The following NCOA1 variants were observed in gnomAD, a reference collection of about 807,000 sequenced individuals.
NCOA1 encodes the protein nuclear receptor coactivator 1.
Under a neutral mutation model 150.9 loss-of-function variants are expected in NCOA1, and 35 were observed. That is an observed-to-expected ratio of 0.23 (90% CI 0.18 to 0.31). NCOA1 has a LOEUF of 0.31. NCOA1 is among the 10% of genes least tolerant of loss of function. The pLI, the probability that NCOA1 is intolerant of heterozygous loss-of-function variation, is 1.00. For missense variants in NCOA1, 1,491 were observed against 1,749.3 expected, an observed-to-expected ratio of 0.85 and a Z score of 2.63; for synonymous variants, 590 against 630.0, an observed-to-expected ratio of 0.94 and a Z score of 0.95.
At chr2:24,550,467 G>C (rs1308598911) in intron 1 of NCOA1, among the ~76,000 whole-genome samples, 3 of 152,214 alleles carry the variant, frequency 2.0e-5, no homozygotes, top group Admixed American at 6.5e-5. Flanking sequence ...GGTTGAGAGA[G>C]AGCTAGTGCT....
intron 2 of NCOA1, among the ~76,000 whole-genome samples, chr2:24,576,159 TTTTGTTTTTTG>T (rs755015628): frequency 4.4e-4 from 42 of 94,454 alleles, no homozygotes; most frequent in South Asian, 9.8e-4. Flanking sequence ...GTTTTTTTTT[TTTTGTTTTTTG>T]TTTTTTTTTT....
At chr2:24,620,334 T>TG (rs1669076020) in intron 3 of NCOA1, among the ~76,000 whole-genome samples, 1 of 152,248 alleles carries the variant, frequency 6.6e-6, no homozygotes, top group African/African-American at 2.4e-5. Flanking sequence ...CTGGGCGTGC[T>TG]GGCTCACGCC....
intron 8 of NCOA1, among the ~76,000 whole-genome samples, chr2:24,686,306 T>C (rs1420398638): frequency 1.3e-5 from 2 of 152,146 alleles, no homozygotes; most frequent in African/African-American, 2.4e-5. Context: ...CCTGACCCTG[T>C]TCTTCTTTTT....
chr2:24,519,097 A>G (rs149544629), intron 1 of NCOA1, among the ~76,000 whole-genome samples: 42 of 152,354 alleles, frequency 2.8e-4, no homozygotes, highest in African/African-American at 9.6e-4. Flanking sequence ...AGTAATCACA[A>G]TAGGGTGGTA....
At chr2:24,762,568 T>G in intron 21 of NCOA1, 119 bp from the exon 22 acceptor site, 1 of 844,736 alleles carries the variant, frequency 1.2e-6, no homozygotes, top group East Asian at 2.6e-5. Flanking sequence ...ATTGCTAAGC[T>G]TTTCATTTTT....
At chr2:24,612,878 T>C (rs893109939) in intron 3 of NCOA1, among the ~76,000 whole-genome samples, 3 of 152,174 alleles carry the variant, frequency 2.0e-5, no homozygotes, top group African/African-American at 7.2e-5. Flanking sequence ...TCTTTATCTG[T>C]CATATCTGAG....
chr2:24,751,374 G>A (rs949489887), intron 19 of NCOA1, among the ~76,000 whole-genome samples: 3 of 151,628 alleles, frequency 2.0e-5, no homozygotes, highest in African/African-American at 4.8e-5. Context: ...CCTGAGGTCA[G>A]GAGTTCGAGA....
intron 3 of NCOA1, among the ~76,000 whole-genome samples, chr2:24,623,542 G>C (rs1321387849): frequency 6.6e-6 from 1 of 152,182 alleles, no homozygotes; most frequent in African/African-American, 2.4e-5. Context: ...TATGTATCTA[G>C]GGCAAAAGTT....
chr2:24,741,654 G>T, intron 18 of NCOA1, 130 bp from the exon 19 acceptor site: 2 of 983,318 alleles, frequency 2.0e-6, no homozygotes, highest in South Asian at 2.3e-5. Context: ...TTCTGTTTTA[G>T]TTTCCCTTGT....
intron 1 of NCOA1, chr2:24,554,568 G>A (rs1024068980): frequency 6.6e-6 from 1 of 152,236 alleles, no homozygotes; most frequent in Non-Finnish European, 1.5e-5. Flanking sequence ...GCAGTTGGAT[G>A]CTGAGGTCAG....
At chr2:24,506,596 C>G (rs1329189361) in intron 1 of NCOA1, among the ~76,000 whole-genome samples, 1 of 152,082 alleles carries the variant, frequency 6.6e-6, no homozygotes, top group Non-Finnish European at 1.5e-5. Flanking sequence ...TGGCAGCCTA[C>G]TTAGACATCT....
intron 3 of NCOA1, among the ~76,000 whole-genome samples, chr2:24,620,578 C>T (rs914685490): frequency 6.6e-6 from 1 of 152,148 alleles, no homozygotes; most frequent in Non-Finnish European, 1.5e-5. Flanking sequence ...CATTGTACTC[C>T]AGCTTGGGCA....
chr2:24,564,567 C>A (rs1200503184), intron 2 of NCOA1, 137 bp downstream of exon 2: 1 of 152,126 alleles, frequency 6.6e-6, no homozygotes, highest in African/African-American at 2.4e-5. Context: ...AGTTCACTTC[C>A]CTCCTTTCCC....
chr2:24,566,375 A>G (rs1218227901), intron 2 of NCOA1, among the ~76,000 whole-genome samples: 2 of 151,796 alleles, frequency 1.3e-5, no homozygotes, highest in Non-Finnish European at 2.9e-5. Flanking sequence ...GCTCTTCTCC[A>G]CAACTGGTAG....
chr2:24,510,056 G>A (rs1663868624), intron 1 of NCOA1, among the ~76,000 whole-genome samples: 1 of 152,172 alleles, frequency 6.6e-6, no homozygotes, highest in African/African-American at 2.4e-5. Context: ...GTAGGACTGT[G>A]CACTTTTTTT....
chr2:24,586,667 C>T (rs1217589904), intron 3 of NCOA1, among the ~76,000 whole-genome samples: 1 of 152,178 alleles, frequency 6.6e-6, no homozygotes, highest in Non-Finnish European at 1.5e-5. Flanking sequence ...ATTGCCAAGG[C>T]TGCTCTCAAA....
At chr2:24,742,862 A>G (rs563343843) in intron 19 of NCOA1, among the ~76,000 whole-genome samples, 5 of 152,336 alleles carry the variant, frequency 3.3e-5, no homozygotes, top group East Asian at 1.9e-4. Flanking sequence ...GCCAGTTTGC[A>G]TAAGAATAAT....
At chr2:24,682,074 A>C (rs959594864) in intron 7 of NCOA1, among the ~76,000 whole-genome samples, 1 of 152,114 alleles carries the variant, frequency 6.6e-6, no homozygotes, top group African/African-American at 2.4e-5. Context: ...TAGGTCTTTT[A>C]ATTTCGCCGT....
At position 24,691,668 on chromosome 2, in the gene NCOA1, C is replaced by T. The variant is rs757150324; in HGVS notation, c.712+8C>T. On this transcript the variant is annotated splice_region_variant and intron_variant, in intron 9 of 22. Coordinates refer to ENST00000348332, the MANE Select transcript of NCOA1 (RefSeq NM_003743.5). ...TTCAAGAGGATGGAGAAGGTAAAGC[C>T]AAACGGTCTTTTTAAAGTGTTTATT... 1.2e-6 allele frequency: 2 copies of T among 1,610,262 alleles called. No homozygotes were observed. The highest frequency in any genetic ancestry group is 2.2e-5 in the East Asian group (1 of 44,790).
Sources: allele counts gnomAD v4.1 joint callset (sites outside exome capture counted in the v4.1 genomes callset), GRCh38; gene constraint gnomAD v4.1.1; transcripts MANE v1.5; gene names NCBI Gene and HGNC (gene_info 2026-07-23, HGNC 2026-07-21).